The following SYT2 variants were observed in gnomAD, a reference collection of about 807,000 sequenced individuals.
The protein encoded by SYT2 is synaptotagmin-2.
SYT2 carries 15 observed loss-of-function variants against 39.9 expected under a neutral mutation model. The observed-to-expected ratio is 0.38, with a 90% CI of 0.25 to 0.58. The LOEUF (loss-of-function observed/expected upper bound fraction) is 0.58. Ranked by LOEUF, SYT2 falls within the 20% of genes least tolerant of loss-of-function variation. SYT2 has a pLI of 0.70. For synonymous variants in SYT2, 181 were observed against 204.5 expected, an observed-to-expected ratio of 0.89 and a Z score of 0.98; for missense variants, 389 against 530.3, an observed-to-expected ratio of 0.73 and a Z score of 2.62.
chr1:202,672,061 G>A (rs191927904), intron 1 of SYT2, among the ~76,000 whole-genome samples: 3 of 152,260 alleles, frequency 2.0e-5, no homozygotes, highest in East Asian at 1.9e-4. Context: ...ATAGGGGAAC[G>A]GCAGGTACTG....
intron 1 of SYT2, among the ~76,000 whole-genome samples, chr1:202,685,734 C>A (rs1324575387): frequency 6.6e-6 from 1 of 152,174 alleles, no homozygotes; most frequent in African/African-American, 2.4e-5. Context: ...TCAATCCACA[C>A]TGAAGCATAT....
chr1:202,622,625 C>A (rs890491134), intron 1 of SYT2, among the ~76,000 whole-genome samples: 5 of 152,190 alleles, frequency 3.3e-5, no homozygotes, highest in African/African-American at 1.2e-4. Context: ...CTGCACCAAT[C>A]TTGGGCTGGC....
At chr1:202,615,038 A>G (rs551501547) in intron 1 of SYT2, among the ~76,000 whole-genome samples, 4 of 152,340 alleles carry the variant, frequency 2.6e-5, no homozygotes, top group African/African-American at 9.6e-5. Context: ...GCATAACTCC[A>G]GAGGAAAGCG....
At chr1:202,613,688 G>A (rs1690952703) in intron 1 of SYT2, among the ~76,000 whole-genome samples, 1 of 152,040 alleles carries the variant, frequency 6.6e-6, no homozygotes, top group African/African-American at 2.4e-5. Flanking sequence ...TTCTACCCTT[G>A]CCGCTGGATT....
intron 1 of SYT2, among the ~76,000 whole-genome samples, chr1:202,674,247 G>A (rs374543733): frequency 2.6e-5 from 4 of 152,162 alleles, no homozygotes; most frequent in African/African-American, 4.8e-5. Context: ...GATTACAGGC[G>A]TGTACCACCA....
intron 1 of SYT2, among the ~76,000 whole-genome samples, chr1:202,679,338 T>G (rs1048367356): frequency 1.3e-5 from 2 of 152,176 alleles, no homozygotes; most frequent in African/African-American, 4.8e-5. Flanking sequence ...AGCTGTTTAT[T>G]GGTAATTACC....
rs1483492909 is a variant in SYT2, at chr1:202,593,701, C to T, written c.*3056G>A. 6.6e-6 allele frequency: 1 copy of T among 152,194 alleles called. No individual in the cohort carries two copies. The highest frequency in any genetic ancestry group is 1.5e-5 in the Non-Finnish European group (1 of 68,058). 9.4% of individuals were successfully genotyped at this position (152,194 alleles called of 1,614,324 possible). A position where few individuals can be genotyped will look rare whatever the true frequency, so the allele number is the denominator to read the frequency against. ...CCTGTAGCTCTGGCAGAGTTAGCAT[C>T]CCTTCTGGAACAATTATTCAGGGAG... On this transcript the variant is annotated 3_prime_UTR_variant, in exon 9 of 9. Transcript: ENST00000367268.
At chr1:202,634,113 A>G (rs1691673700) in intron 1 of SYT2, among the ~76,000 whole-genome samples, 1 of 152,228 alleles carries the variant, frequency 6.6e-6, no homozygotes, top group Admixed American at 6.5e-5. Context: ...TCACTTTATA[A>G]TAAGGGGATT....
At chr1:202,648,241 T>C (rs979758632) in intron 1 of SYT2, among the ~76,000 whole-genome samples, 1 of 152,208 alleles carries the variant, frequency 6.6e-6, no homozygotes, top group African/African-American at 2.4e-5. Context: ...AGTGCAGAGG[T>C]GTGATCTCGG....
At chr1:202,626,085 A>G (rs1272399878) in intron 1 of SYT2, among the ~76,000 whole-genome samples, 1 of 152,194 alleles carries the variant, frequency 6.6e-6, no homozygotes, top group Admixed American at 6.5e-5. Flanking sequence ...GAGAAGCTCC[A>G]GGGAAGGGAA....
chr1:202,642,366 C>T (rs10920434), intron 1 of SYT2, among the ~76,000 whole-genome samples: 5,201 of 151,828 alleles, frequency 0.034, 286 homozygotes, highest in African/African-American at 0.12. Flanking sequence ...GCGCGCCCTC[C>T]CCCACCTCGT....
At chr1:202,637,223 C>T (rs1279150601) in intron 1 of SYT2, among the ~76,000 whole-genome samples, 1 of 152,192 alleles carries the variant, frequency 6.6e-6, no homozygotes, top group South Asian at 2.1e-4. Flanking sequence ...TGGTGGTGCA[C>T]ACCTGTAGTC....
intron 1 of SYT2, among the ~76,000 whole-genome samples, chr1:202,609,098 A>G (rs1466677284): frequency 2.9e-5 from 4 of 136,122 alleles, no homozygotes; most frequent in South Asian, 2.3e-4. Flanking sequence ...TCATTGTTCA[A>G]TTCCCACCTA....
At chr1:202,678,125 T>A (rs1653425953) in intron 1 of SYT2, among the ~76,000 whole-genome samples, 1 of 151,916 alleles carries the variant, frequency 6.6e-6, no homozygotes, top group Non-Finnish European at 1.5e-5. Flanking sequence ...AATACAATAA[T>A]TAGCCAGGCG....
intron 1 of SYT2, among the ~76,000 whole-genome samples, chr1:202,685,979 A>G (rs12566297): frequency 0.57 from 86,938 of 151,736 alleles, 25,767 homozygotes; most frequent in East Asian, 0.78. Context: ...CTGCCAGGAA[A>G]CCCCCAGGGT....
In SYT2 at chr1:202,638,376, A is replaced by G. The variant is rs567157294; in HGVS notation, c.-17-32587T>C. On this transcript the variant is annotated intron_variant, in intron 1 of 8. Coordinates refer to ENST00000367268, the MANE Select transcript of SYT2 (RefSeq NM_177402.5). Reference sequence around the variant, plus strand: ...CACAGCCTCTCTTGACCTGCCAAGGACTTTTTCCACATCTTTCCCTAGGCT... The same window carrying G: ...CACAGCCTCTCTTGACCTGCCAAGGGCTTTTTCCACATCTTTCCCTAGGCT... Among the ~76,000 whole-genome samples the G allele has an allele frequency of 5.9e-4, 90 of 152,372 alleles. 1 individual carries two copies. In the South Asian group the frequency reaches 0.011, roughly 19 times the overall value.
At chr1:202,698,510 C>T (rs537538257) in intron 1 of SYT2, among the ~76,000 whole-genome samples, 103 of 152,324 alleles carry the variant, frequency 6.8e-4, no homozygotes, top group African/African-American at 2.5e-3. Context: ...ACAAAAGCCA[C>T]AGAAGGGACA....
chr1:202,675,040 T>C (rs1653327611), intron 1 of SYT2, among the ~76,000 whole-genome samples: 1 of 152,190 alleles, frequency 6.6e-6, no homozygotes, highest in Admixed American at 6.5e-5. Context: ...GAGAGGGCCA[T>C]GGCTTTCTTG....
In SYT2 at chr1:202,594,351, A is replaced by G. The variant is rs559257843; in HGVS notation, c.*2406T>C. 3.9e-5 allele frequency: 6 copies of G among 152,312 alleles called. No homozygotes were observed. Among genetic ancestry groups the G allele is most frequent in the Non-Finnish European group, 8.8e-5 (6 of 68,046 alleles). 9.4% of individuals were successfully genotyped at this position (152,312 alleles called of 1,614,324 possible). On this transcript the variant is annotated 3_prime_UTR_variant, in exon 9 of 9. Transcript: ENST00000367268. ...TCTTGGGCTTTGGAAGGGCTGAATG[A>G]AGTTCATGAATGGAAAAGAATCCAG...
Sources: gnomAD v4.1 joint callset for allele counts (sites outside exome capture counted in the v4.1 genomes callset) on GRCh38, gnomAD v4.1.1 for gene constraint, MANE v1.5 for transcripts, NCBI Gene and HGNC (gene_info 2026-07-23, HGNC 2026-07-21) for gene names.